LRRC63: variants seen among roughly 807,000 people sequenced by gnomAD.
LRRC63 encodes the protein leucine rich repeat containing 63.
In LRRC63, 40 loss-of-function variants were observed where a neutral mutation model predicts 49.5. The observed-to-expected ratio is 0.81, with a 90% confidence interval of 0.63 to 1.05. The LOEUF (loss-of-function observed/expected upper bound fraction) is 1.05. Among genes scored for constraint, LRRC63 ranks in the 50% least tolerant of loss-of-function variants. The pLI, the probability that LRRC63 is intolerant of heterozygous loss-of-function variation, is 0.00. For synonymous variants in LRRC63, 191 were observed against 221.1 expected (o/e 0.86, Z 1.21); for missense variants, 636 against 663.1 (o/e 0.96, Z 0.45).
At chr13:46,226,742 T>C (rs1343239730) in intron 2 of LRRC63, among the ~76,000 whole-genome samples, 1 of 152,214 alleles carries the variant, frequency 6.6e-6, no homozygotes, top group Admixed American at 6.5e-5. Context: ...CAATCCCATA[T>C]AGACAACAGA....
intron 2 of LRRC63, among the ~76,000 whole-genome samples, chr13:46,215,642 T>G (rs2046230550): frequency 6.6e-6 from 1 of 152,228 alleles, no homozygotes; most frequent in Admixed American, 6.5e-5. Flanking sequence ...TTGTCAGTTT[T>G]GGCTTTGGTT....
Position 46,236,797 on chromosome 13 carries a change from G to A in LRRC63, c.990+2448G>A, listed in dbSNP as rs559599306. Among the ~76,000 whole-genome samples the A allele has an allele frequency of 2.8e-4, 43 of 152,116 alleles. 1 individual carries two copies. Among genetic ancestry groups the A allele is most frequent in the Admixed American group, 1.4e-3 (21 of 15,288 alleles). ...AAAAGTCAGTATTATTTTGGTTATC[G>A]GTTTATATTACTTTTTCTTTCTTAT... On this transcript the variant is annotated intron_variant, in intron 5 of 9. Coordinates refer to ENST00000595396, the Ensembl canonical transcript of LRRC63.
chr13:46,234,477 G>A (rs901930382), intron 5 of LRRC63, 128 bp downstream of exon 5: 7 of 868,774 alleles, frequency 8.1e-6, no homozygotes, highest in Non-Finnish European at 1.2e-5. Context: ...GATTTCTTAG[G>A]AACACATTCA....
intron 8 of LRRC63, among the ~76,000 whole-genome samples, chr13:46,263,459 A>G (rs1426274320): frequency 5.4e-5 from 8 of 148,972 alleles, no homozygotes; most frequent in Non-Finnish European, 8.9e-5. Flanking sequence ...TTGGCATTCT[A>G]TTGTACTACC....
In LRRC63 at chr13:46,269,494, C is replaced by T. The variant is rs1353508501; in HGVS notation, c.1550+2522C>T. Among the ~76,000 whole-genome samples the T allele has an allele frequency of 4.0e-5, 6 of 151,740 alleles. No homozygotes were observed. In the East Asian group the frequency reaches 9.7e-4, roughly 25 times the overall value. ...AAAAAACAATAAAATCAGATTCCAG[C>T]TATATATATGTCACCATCAGACACA... On this transcript the variant is annotated intron_variant, in intron 9 of 9. Transcript: ENST00000595396.
At chr13:46,256,639 A>G (rs937364678) in intron 7 of LRRC63, among the ~76,000 whole-genome samples, 2 of 152,200 alleles carry the variant, frequency 1.3e-5, no homozygotes, top group Non-Finnish European at 2.9e-5. Context: ...TTGAGAGCAG[A>G]TAACTTGTTT....
intron 2 of LRRC63, among the ~76,000 whole-genome samples, chr13:46,217,002 C>T (rs148701766): frequency 7.9e-4 from 121 of 152,260 alleles, no homozygotes; most frequent in African/African-American, 2.8e-3. Flanking sequence ...CTGCTGGATT[C>T]GGTTTGCCAC....
chr13:46,246,982 A>G (rs2047231208), intron 6 of LRRC63, among the ~76,000 whole-genome samples: 1 of 152,170 alleles, frequency 6.6e-6, no homozygotes, highest in African/African-American at 2.4e-5. Context: ...GTGTTGTAAT[A>G]AGTTTTAATT....
chr13:46,265,411 T>C (rs141843598), intron 8 of LRRC63, among the ~76,000 whole-genome samples: 2 of 152,142 alleles, frequency 1.3e-5, no homozygotes, highest in Non-Finnish European at 2.9e-5. Context: ...TGGGCAGTTA[T>C]AAAAAACAGA....
chr13:46,214,627 A>C (rs2046193289), intron 2 of LRRC63, among the ~76,000 whole-genome samples: 2 of 151,834 alleles, frequency 1.3e-5, no homozygotes, highest in African/African-American at 4.8e-5. Context: ...AGGTGATCAA[A>C]ATTTGTTTTT....
intron 4 of LRRC63, among the ~76,000 whole-genome samples, chr13:46,230,192 G>A (rs7329694): frequency 0.086 from 13,002 of 151,994 alleles, 636 homozygotes; most frequent in East Asian, 0.18. Context: ...TGTTCTTCTC[G>A]CATTGCAAAA....
chr13:46,240,126 C>CTTTTTTT (rs35181820), intron 5 of LRRC63, among the ~76,000 whole-genome samples: 1 of 120,872 alleles, frequency 8.3e-6, no homozygotes, highest in Non-Finnish European at 1.7e-5. Flanking sequence ...CTCTCTTTTT[C>CTTTTTTT]TTTTTTTTTT....
At chr13:46,213,093 C>A in exon 2 of LRRC63, 1 of 1,549,134 alleles carries the variant, frequency 6.5e-7, no homozygotes, top group South Asian at 1.2e-5. Context: ...ACTAAGCTGT[C>A]TTTACATGAG....
intron 9 of LRRC63, chr13:46,270,563 C>G: frequency 5.8e-6 from 5 of 869,344 alleles, no homozygotes; most frequent in Non-Finnish European, 9.9e-6. Flanking sequence ...GTTACTGACA[C>G]AAAAACGGTA....
chr13:46,238,050 G>A (rs1046328821), intron 5 of LRRC63, among the ~76,000 whole-genome samples: 1 of 152,008 alleles, frequency 6.6e-6, no homozygotes, highest in South Asian at 2.1e-4. Flanking sequence ...GATCAAAAAA[G>A]ACAAAGAAAG....
chr13:46,218,184 TAA>T (rs1304228706), intron 2 of LRRC63, among the ~76,000 whole-genome samples: 1 of 152,202 alleles, frequency 6.6e-6, no homozygotes, highest in African/African-American at 2.4e-5. Context: ...TTGATCTGTC[TAA>T]TGTTGACAGT....
At chr13:46,256,719 T>A (rs34565761) in intron 7 of LRRC63, among the ~76,000 whole-genome samples, 1 of 152,176 alleles carries the variant, frequency 6.6e-6, no homozygotes, top group South Asian at 2.1e-4. Context: ...GAGCCTCACC[T>A]ATACCTAATT....
chr13:46,266,968 A>G (rs2138584150), exon 9 of LRRC63: 1 of 1,528,568 alleles, frequency 6.5e-7, no homozygotes, highest in East Asian at 2.5e-5. Context: ...GAAGTTACTA[A>G]AATGGTGAGC....
intron 9 of LRRC63, among the ~76,000 whole-genome samples, chr13:46,268,010 A>G (rs1458688126): frequency 1.3e-5 from 2 of 152,196 alleles, no homozygotes; most frequent in East Asian, 3.8e-4. Context: ...GTTTCCAGAA[A>G]ATTACATTCA....
Sources: allele counts gnomAD v4.1 joint callset (sites outside exome capture counted in the v4.1 genomes callset), GRCh38; gene constraint gnomAD v4.1.1; transcripts MANE v1.5; gene names NCBI Gene and HGNC (gene_info 2026-07-23, HGNC 2026-07-21).